GRAMD2B: variants seen among roughly 807,000 people sequenced by gnomAD.
The protein encoded by GRAMD2B is GRAM domain-containing protein 2B.
Under a neutral mutation model 59.2 loss-of-function variants are expected in GRAMD2B, and 41 were observed. That is an observed-to-expected ratio of 0.69 (90% CI 0.54 to 0.90). GRAMD2B has a LOEUF of 0.90. Among genes scored for constraint, GRAMD2B ranks in the 40% least tolerant of loss-of-function variants. GRAMD2B has a pLI of 0.00. For missense variants in GRAMD2B, 424 were observed against 500.5 expected (o/e 0.85, Z 1.46); for synonymous variants, 161 against 182.7 (o/e 0.88, Z 0.96).
At chr5:126,391,884 G>T (rs1756834021) in intron 1 of GRAMD2B, among the ~76,000 whole-genome samples, 1 of 152,130 alleles carries the variant, frequency 6.6e-6, no homozygotes, top group African/African-American at 2.4e-5. Context: ...CCCTTCAAAA[G>T]GGTGAATTTT....
intron 1 of GRAMD2B, among the ~76,000 whole-genome samples, chr5:126,452,947 A>G (rs1194911773): frequency 6.6e-6 from 1 of 152,174 alleles, no homozygotes; most frequent in African/African-American, 2.4e-5. Flanking sequence ...CATTCTAGTT[A>G]AAAACTAGTT....
At chr5:126,385,376 T>C (rs1479169608) in intron 1 of GRAMD2B, among the ~76,000 whole-genome samples, 1 of 152,322 alleles carries the variant, frequency 6.6e-6, no homozygotes, top group African/African-American at 2.4e-5. Flanking sequence ...ATGAGCAATA[T>C]AGGCTTAAAT....
upstream of GRAMD2B, chr5:126,423,284 C>T (rs1759953638): frequency 8.5e-7 from 1 of 1,176,888 alleles, no homozygotes; most frequent in African/African-American, 1.6e-5. Flanking sequence ...GCTTCCTCTC[C>T]CGAAAGACTC....
intron 1 of GRAMD2B, among the ~76,000 whole-genome samples, chr5:126,361,537 T>C (rs1311050653): frequency 6.7e-6 from 1 of 149,476 alleles, no homozygotes; most frequent in Admixed American, 6.7e-5. Flanking sequence ...GCTAAGAGGA[T>C]TGAGTAAGTT....
chr5:126,465,344 GA>G, intron 1 of GRAMD2B, 81 bp from the exon 2 acceptor site: 1 of 1,598,384 alleles, frequency 6.3e-7, no homozygotes. Context: ...CCATTCTCTA[GA>G]AAACCATGTT....
rs1774306898 is a variant in GRAMD2B at position 126,493,697 on chromosome 5, A to G, written c.*741A>G. On this transcript the variant is annotated 3_prime_UTR_variant, in exon 14 of 14. Coordinates refer to ENST00000285689, the MANE Select transcript of GRAMD2B (RefSeq NM_023927.4). ...GAAGTACTAAATTAAACTTATTTTG[A>G]AACCAAACCTAATTTTTAAGCCAAA... 1.3e-5 allele frequency: 2 copies of G among 152,336 alleles called. No homozygotes were observed. Among genetic ancestry groups the G allele is most frequent in the Non-Finnish European group, 2.9e-5 (2 of 68,042 alleles). 9.4% of individuals were successfully genotyped at this position (152,336 alleles called of 1,614,324 possible).
At chr5:126,360,911 A>T (rs537121725) in intron 1 of GRAMD2B, among the ~76,000 whole-genome samples, 73 of 151,736 alleles carry the variant, frequency 4.8e-4, no homozygotes, top group African/African-American at 1.6e-3. Context: ...TGCCATGTCA[A>T]CTCTCTACAT....
chr5:126,360,488 A>G (rs777164918), intron 1 of GRAMD2B: 1 of 1,545,238 alleles, frequency 6.5e-7, no homozygotes, highest in Non-Finnish European at 8.7e-7. Context: ...ACCTGGAAAA[A>G]CCATTTGGGA....
At chr5:126,378,926 C>A (rs557512672) in intron 1 of GRAMD2B, among the ~76,000 whole-genome samples, 1 of 151,986 alleles carries the variant, frequency 6.6e-6, no homozygotes, top group Admixed American at 6.6e-5. Flanking sequence ...TATTTCAGTA[C>A]GTTTTTGGGA....
At chr5:126,484,164 G>C (rs1772425563) in intron 9 of GRAMD2B, among the ~76,000 whole-genome samples, 1 of 152,136 alleles carries the variant, frequency 6.6e-6, no homozygotes, top group Non-Finnish European at 1.5e-5. Flanking sequence ...ATTTTTAATT[G>C]TTACAGCTGA....
intron 1 of GRAMD2B, among the ~76,000 whole-genome samples, chr5:126,388,008 C>A (rs1404138401): frequency 1.3e-5 from 2 of 151,914 alleles, no homozygotes; most frequent in African/African-American, 4.8e-5. Flanking sequence ...TTAAAGAAAC[C>A]CCCTATACTA....
intron 1 of GRAMD2B, among the ~76,000 whole-genome samples, chr5:126,404,761 T>C (rs1269756423): frequency 6.6e-6 from 1 of 151,490 alleles, no homozygotes; most frequent in Non-Finnish European, 1.5e-5. Context: ...GGAAGAGGAG[T>C]GCATTACAAA....
At position 126,484,397 on chromosome 5, in the gene GRAMD2B, A is replaced by G. The variant is rs190529987; in HGVS notation, c.848-5A>G. 28 of 1,612,650 alleles carry G rather than the reference A, an allele frequency of 1.7e-5. No homozygotes were observed. In the African/African-American group the frequency reaches 3.6e-4, roughly 21 times the overall value. On this transcript the variant is annotated splice_polypyrimidine_tract_variant and splice_region_variant and intron_variant, in intron 9 of 13. Transcript: ENST00000285689. Reference sequence around the variant, plus strand: ...CACTTACCCAGCTCTGTTTTGGCTTAGTAGATTTCCATGCGACAGAATCCC... The same window carrying G: ...CACTTACCCAGCTCTGTTTTGGCTTGGTAGATTTCCATGCGACAGAATCCC...
At chr5:126,455,886 T>G (rs1766191847) in intron 1 of GRAMD2B, among the ~76,000 whole-genome samples, 1 of 152,208 alleles carries the variant, frequency 6.6e-6, no homozygotes, top group South Asian at 2.1e-4. Context: ...TCTGAATTCC[T>G]TAGACACCTT....
chr5:126,364,721 A>T lies in GRAMD2B; in HGVS notation c.128+4262A>T, dbSNP rs1311384327. 6.6e-5 allele frequency among the ~76,000 whole-genome samples: 10 copies of T among 152,328 alleles called. No individual in the cohort carries two copies. In the East Asian group the frequency reaches 1.9e-3, roughly 29 times the overall value. On this transcript the variant is annotated intron_variant, in intron 1 of 13. Coordinates refer to the GRAMD2B transcript ENST00000513040. ...AACAGGAAGTATTTTAAGTACATGC[A>T]TTCTAAGGTTCCTATTGGCTCTAAA...
At chr5:126,380,814 G>A (rs1755597043) in intron 1 of GRAMD2B, among the ~76,000 whole-genome samples, 1 of 152,062 alleles carries the variant, frequency 6.6e-6, no homozygotes, top group African/African-American at 2.4e-5. Flanking sequence ...AGTTTTTAGG[G>A]TTTTCTAGGT....
intron 1 of GRAMD2B, among the ~76,000 whole-genome samples, chr5:126,405,748 A>T (rs1758210719): frequency 6.6e-6 from 1 of 151,492 alleles, no homozygotes; most frequent in South Asian, 2.1e-4. Flanking sequence ...ATATTAAAAC[A>T]CCGTTTGCTT....
At chr5:126,366,432 T>G (rs1754439340), upstream of GRAMD2B, among the ~76,000 whole-genome samples, 2 of 152,186 alleles carry the variant, frequency 1.3e-5, no homozygotes, top group Admixed American at 1.3e-4. Context: ...ATGACTCCAC[T>G]CAACATGAGT....
At chr5:126,361,509 AT>A (rs1290368532) in intron 1 of GRAMD2B, among the ~76,000 whole-genome samples, 31 of 145,464 alleles carry the variant, frequency 2.1e-4, no homozygotes, top group African/African-American at 6.2e-4. Flanking sequence ...AAAAAAAAAA[AT>A]TCTGTTTCCT....
Sources: gnomAD v4.1 joint callset for allele counts (sites outside exome capture counted in the v4.1 genomes callset) on GRCh38, gnomAD v4.1.1 for gene constraint, MANE v1.5 for transcripts, NCBI Gene and HGNC (gene_info 2026-07-23, HGNC 2026-07-21) for gene names.